ITPR1: variants seen among roughly 807,000 people sequenced by gnomAD.
ITPR1 encodes the protein inositol 1,4,5-trisphosphate-gated calcium channel ITPR1.
In ITPR1, 96 loss-of-function variants were observed where a neutral mutation model predicts 318.4. That is an observed-to-expected ratio of 0.30 (90% CI 0.26 to 0.36). The LOEUF (loss-of-function observed/expected upper bound fraction) is 0.36, where lower values mean the gene tolerates loss of function less well. ITPR1 is among the 10% of genes least tolerant of loss of function. ITPR1 has a pLI of 1.00. For missense variants in ITPR1, 2,440 were observed against 3,460.2 expected, an observed-to-expected ratio of 0.71 and a Z score of 7.40; for synonymous variants, 1,312 against 1,289.9, an observed-to-expected ratio of 1.02 and a Z score of -0.37.
chr3:4,663,062 A>G lies in ITPR1; in HGVS notation c.1413-3A>G. ...TGTCTCTAATAGCGTCTTTCCTCCT[A>G]AGGTCTGTAACCAAGCTGCTAGAAG... On this transcript the variant is annotated splice_region_variant and splice_polypyrimidine_tract_variant and intron_variant, in intron 15 of 61. Coordinates refer to ENST00000649015, the MANE Select transcript of ITPR1 (RefSeq NM_001378452.1). The G allele has an allele frequency of 6.2e-7, 1 of 1,613,282 alleles. No homozygotes were observed. Among genetic ancestry groups the G allele is most frequent in the Non-Finnish European group, 8.5e-7 (1 of 1,179,386 alleles).
At chr3:4,555,120 G>C (rs185726899) in intron 4 of ITPR1, among the ~76,000 whole-genome samples, 1 of 152,284 alleles carries the variant, frequency 6.6e-6, no homozygotes, top group Non-Finnish European at 1.5e-5. Flanking sequence ...GGAGAATTCA[G>C]TGTTTTTATT....
At chr3:4,512,823 G>A (rs1046121735) in intron 2 of ITPR1, among the ~76,000 whole-genome samples, 1 of 152,100 alleles carries the variant, frequency 6.6e-6, no homozygotes, top group Non-Finnish European at 1.5e-5. Flanking sequence ...GAGAGGTTGT[G>A]GTGGGCTCCT....
intron 60 of ITPR1, 37 bp downstream of exon 60, chr3:4,818,279 G>A: frequency 6.5e-7 from 1 of 1,535,778 alleles, no homozygotes; most frequent in Non-Finnish European, 8.9e-7. Context: ...AGGTGGACTT[G>A]GGGCCTACTC....
intron 44 of ITPR1, among the ~76,000 whole-genome samples, chr3:4,753,449 T>C (rs2044704053): frequency 1.3e-5 from 2 of 152,066 alleles, no homozygotes. Context: ...CATCTGTACA[T>C]CTTACTGTCA....
intron 39 of ITPR1, among the ~76,000 whole-genome samples, chr3:4,716,701 G>C (rs1339037514): frequency 1.3e-5 from 2 of 152,136 alleles, no homozygotes; most frequent in Non-Finnish European, 2.9e-5. Flanking sequence ...ATCAGTTGAG[G>C]ATCATCCAAC....
intron 37 of ITPR1, among the ~76,000 whole-genome samples, chr3:4,706,862 TAGTG>T (rs1396357352): frequency 6.6e-6 from 1 of 151,758 alleles, no homozygotes; most frequent in African/African-American, 2.4e-5. Context: ...AAGGGGAGAG[TAGTG>T]AGTATTAGAT....
chr3:4,727,243 A>C (rs1426676719), intron 42 of ITPR1, 70 bp downstream of exon 42: 2 of 1,111,764 alleles, frequency 1.8e-6, no homozygotes, highest in Non-Finnish European at 2.6e-6. Context: ...TCAGCCACAC[A>C]CTGTGATTGA....
chr3:4,724,308 C>T (rs1175424891), intron 40 of ITPR1: 1 of 152,210 alleles, frequency 6.6e-6, no homozygotes, highest in Non-Finnish European at 1.5e-5. Context: ...CATTAGATTA[C>T]ATAATATAGC....
chr3:4,652,844 C>G (rs1423925746), intron 11 of ITPR1, among the ~76,000 whole-genome samples: 1 of 152,032 alleles, frequency 6.6e-6, no homozygotes, highest in East Asian at 1.9e-4. Context: ...AAAAATTAGC[C>G]AGGTGTGGTG....
At chr3:4,526,194 G>A (rs1221820248) in intron 4 of ITPR1, among the ~76,000 whole-genome samples, 1 of 152,182 alleles carries the variant, frequency 6.6e-6, no homozygotes, top group Non-Finnish European at 1.5e-5. Context: ...ACTTTGCAGG[G>A]AGCCCCTTAG....
At chr3:4,656,148 T>C (rs2125179706) in intron 12 of ITPR1, among the ~76,000 whole-genome samples, 1 of 152,352 alleles carries the variant, frequency 6.6e-6, no homozygotes, top group East Asian at 1.9e-4. Context: ...TCTGCACATG[T>C]GCCTTTCTTT....
At position 4,754,048 on chromosome 3, in the gene ITPR1, T is replaced by TGGG. The variant is rs1553727648; in HGVS notation, c.5545-12474_5545-12472dup. Among the ~76,000 whole-genome samples the TGGG allele has an allele frequency of 7.3e-3, 670 of 92,020 alleles. 2 individuals are homozygous for TGGG. Among genetic ancestry groups the TGGG allele is most frequent in the Non-Finnish European group, 8.2e-3 (334 of 40,618 alleles). 60.4% of individuals were successfully genotyped at this position (92,020 alleles called of 152,430 possible). A position where few individuals can be genotyped will look rare whatever the true frequency, so the allele number is the denominator to read the frequency against. ...CGTGTGACTGCACAAACACAGAAAA[T>TGGG]GGGGGGGGGGTGGCAAGGATTATTC... is the stretch of plus-strand genomic sequence containing the variant. On this transcript the variant is annotated intron_variant, in intron 44 of 61. Transcript: ENST00000649015.
intron 4 of ITPR1, among the ~76,000 whole-genome samples, chr3:4,591,819 A>G (rs2090421363): frequency 1.3e-5 from 2 of 152,230 alleles, no homozygotes; most frequent in African/African-American, 4.8e-5. Context: ...TGTATTGAAC[A>G]TAATGGCTCA....
rs542802905 is a variant in ITPR1 at position 4,605,004 on chromosome 3, T to C, written c.164-22759T>C. ...TTTGGGTGGGGGGGATGGAGTCTTGTTCTGTCGCCTAGGCTGAAGTGCGGT... is the reference window on the plus strand; with the variant it reads ...TTTGGGTGGGGGGGATGGAGTCTTGCTCTGTCGCCTAGGCTGAAGTGCGGT... On this transcript the variant is annotated intron_variant, in intron 4 of 61. Transcript: ENST00000649015. Among the ~76,000 whole-genome samples, 47 of 152,050 alleles carry C rather than the reference T, an allele frequency of 3.1e-4. 1 individual carries two copies. Among genetic ancestry groups the C allele is most frequent in the Middle Eastern group, 6.8e-3 (2 of 294 alleles).
At position 4,725,552 on chromosome 3, in the gene ITPR1, C is replaced by T. The variant is rs540818757; in HGVS notation, c.5143C>T (p.Pro1715Ser). The change falls in exon 41 of 62, where the codon CCA becomes TCA. Residue 1715 changes from proline to serine, a missense_variant. Pro to Ser is a moderately conservative substitution (Grantham distance 74, BLOSUM62 -1). This residue lies in a region of ITPR1 where 166 missense variants were observed against 143.7 expected (regional missense o/e 1.16). Coordinates refer to ENST00000649015, the MANE Select transcript of ITPR1 (RefSeq NM_001378452.1). ...IDELDNAELP[P>S]APDSENATEE... ...TCGTTTTACTCCCAATTAGCTTCCT[C>T]CAGCTCCGGATTCTGAGAACGCCAC... The T allele has an allele frequency of 2.4e-5, 38 of 1,599,228 alleles. No individual in the cohort carries two copies. Among genetic ancestry groups the T allele is most frequent in the East Asian group, 8.9e-5 (4 of 44,860 alleles).
At chr3:4,841,952 T>G (rs190754586) in intron 61 of ITPR1, among the ~76,000 whole-genome samples, 1 of 152,336 alleles carries the variant, frequency 6.6e-6, no homozygotes, top group Non-Finnish European at 1.5e-5. Context: ...AGAAAATAAC[T>G]GTGATTACTA....
intron 60 of ITPR1, 80 bp downstream of exon 60, chr3:4,818,322 GAGCTGCACAACAGA>G: frequency 8.7e-7 from 1 of 1,148,478 alleles, no homozygotes; most frequent in Non-Finnish European, 1.2e-6. Flanking sequence ...GCCCATCGGG[GAGCTGCACAACAGA>G]AGAATAACAT....
chr3:4,811,215 G>A, intron 55 of ITPR1, 50 bp from the exon 56 acceptor site: 1 of 1,346,978 alleles, frequency 7.4e-7, no homozygotes, highest in South Asian at 1.6e-5. Flanking sequence ...GGATAGTGAT[G>A]TACATCTAAC....
chr3:4,560,079 G>A (rs1044858780), intron 4 of ITPR1, among the ~76,000 whole-genome samples: 4 of 152,130 alleles, frequency 2.6e-5, no homozygotes, highest in African/African-American at 9.7e-5. Context: ...AATAGTCCTG[G>A]CTCATAAGAT....
Sources: gnomAD v4.1 joint callset for allele counts (sites outside exome capture counted in the v4.1 genomes callset) on GRCh38, gnomAD v4.1.1 for gene constraint, gnomAD v4.1.1 regional missense constraint, MANE v1.5 for transcripts, NCBI Gene and HGNC (gene_info 2026-07-23, HGNC 2026-07-21) for gene names.